The following PLXNA4 variants were observed in gnomAD, a reference collection of about 807,000 sequenced individuals.
The protein encoded by PLXNA4 is plexin-A4.
A neutral mutation model predicts 191.8 loss-of-function variants in PLXNA4; 44 were observed. That is an observed-to-expected ratio of 0.23 (90% CI 0.18 to 0.29). PLXNA4 has a LOEUF of 0.29. PLXNA4 is among the 10% of genes least tolerant of loss of function. PLXNA4 has a pLI of 1.00. For missense variants in PLXNA4, 1,800 were observed against 2,488.8 expected, an observed-to-expected ratio of 0.72 and a Z score of 5.89; for synonymous variants, 1,082 against 1,009.5, an observed-to-expected ratio of 1.07 and a Z score of -1.36.
In PLXNA4 at chr7:132,519,685, C is replaced by A. The variant is rs1799095983; in HGVS notation, c.-86-10906G>T. Among the ~76,000 whole-genome samples the A allele has an allele frequency of 2.0e-5, 3 of 152,220 alleles. No homozygotes were observed. The South Asian group carries it at 6.2e-4, about 32-fold the overall frequency. On this transcript the variant is annotated intron_variant, in intron 1 of 31. Coordinates refer to ENST00000321063, the MANE Select transcript of PLXNA4 (RefSeq NM_020911.2). ...ATTCAGTGGTCTTCACCCAAATGAG[C>A]TCCTTGCTCTCCTTTCATGGTAAAG...
At chr7:132,227,356 T>A in intron 7 of PLXNA4, 95 bp downstream of exon 7, 1 of 1,517,768 alleles carries the variant, frequency 6.6e-7, no homozygotes, top group Non-Finnish European at 8.9e-7. Context: ...CTCTCCTGCC[T>A]GCAGGTTGCT....
intron 3 of PLXNA4, among the ~76,000 whole-genome samples, chr7:132,357,547 C>T (rs1338730341): frequency 1.3e-5 from 2 of 152,274 alleles, no homozygotes; most frequent in East Asian, 3.9e-4. Flanking sequence ...GACCAAGATG[C>T]CAAAATACCT....
intron 3 of PLXNA4, among the ~76,000 whole-genome samples, chr7:132,396,552 A>C (rs945300874): frequency 6.6e-6 from 1 of 152,142 alleles, no homozygotes; most frequent in South Asian, 2.1e-4. Flanking sequence ...GTGCAGTGGC[A>C]CAATCTCAGT....
At chr7:132,134,760 C>T (rs1795064938) in intron 30 of PLXNA4, among the ~76,000 whole-genome samples, 1 of 152,170 alleles carries the variant, frequency 6.6e-6, no homozygotes, top group Admixed American at 6.5e-5. Context: ...GCCGCCCTGC[C>T]CCCGTCTCAT....
chr7:132,171,330 C>G (rs1796280032), intron 21 of PLXNA4, among the ~76,000 whole-genome samples: 2 of 152,250 alleles, frequency 1.3e-5, no homozygotes, highest in African/African-American at 4.8e-5. Context: ...GGCAGCCTAT[C>G]TCATGACAGG....
At chr7:132,146,354 C>T (rs535081534) in intron 28 of PLXNA4, among the ~76,000 whole-genome samples, 156 bp downstream of exon 28, 8 of 152,134 alleles carry the variant, frequency 5.3e-5, no homozygotes, top group South Asian at 2.1e-4. Context: ...TTCTGAGGTT[C>T]GGTACGGGGA....
upstream of PLXNA4, among the ~76,000 whole-genome samples, chr7:132,579,551 CAAATA>C (rs917554911): frequency 2.8e-5 from 4 of 143,636 alleles, no homozygotes; most frequent in African/African-American, 1.0e-4. Flanking sequence ...CCAGAGGTGG[CAAATA>C]AAATGTGTTT....
chr7:132,637,704 T>A (rs953738792), intron 2 of PLXNA4, among the ~76,000 whole-genome samples: 4 of 152,082 alleles, frequency 2.6e-5, no homozygotes, highest in African/African-American at 4.8e-5. Context: ...CAGCAGAAAA[T>A]CCATCAACAA....
intron 5 of PLXNA4, among the ~76,000 whole-genome samples, chr7:132,230,612 C>A (rs902853092): frequency 6.6e-6 from 1 of 152,160 alleles, no homozygotes; most frequent in African/African-American, 2.4e-5. Flanking sequence ...AGTTAATTTA[C>A]CAGGCCAGCT....
intron 3 of PLXNA4, among the ~76,000 whole-genome samples, chr7:132,420,347 G>T (rs1238548741): frequency 6.6e-6 from 1 of 152,170 alleles, no homozygotes; most frequent in Non-Finnish European, 1.5e-5. Context: ...CTGAGCTGCT[G>T]GTCCAGGGGA....
Position 132,395,460 on chromosome 7 carries a change from A to C in PLXNA4, c.1371+93832T>G, listed in dbSNP as rs1460058775. Among the ~76,000 whole-genome samples the C allele has an allele frequency of 3.3e-5, 5 of 152,346 alleles. No individual in the cohort carries two copies. In the South Asian group the frequency reaches 1.0e-3, roughly 32 times the overall value. The stretch of plus-strand genomic sequence containing the variant: ...GTCCTGCTGAGAGAGGGTGTCGGCC[A>C]GATAAATTTGATGATGCAGCACTGA... On this transcript the variant is annotated intron_variant, in intron 3 of 31. Transcript: ENST00000321063.
intron 27 of PLXNA4, among the ~76,000 whole-genome samples, chr7:132,147,398 C>T (rs532745200): frequency 1.6e-4 from 25 of 152,218 alleles, no homozygotes; most frequent in African/African-American, 4.3e-4. Context: ...TGACTAGCCC[C>T]AAAGCACACA....
At chr7:132,599,822 T>C (rs1020276701) in intron 2 of PLXNA4, among the ~76,000 whole-genome samples, 1 of 152,148 alleles carries the variant, frequency 6.6e-6, no homozygotes, top group African/African-American at 2.4e-5. Context: ...TTACTTTTTC[T>C]TTTTTGGTGT....
In PLXNA4 at chr7:132,426,130, G is replaced by T. The variant is rs146474498; in HGVS notation, c.1371+63162C>A. 7.5e-3 allele frequency among the ~76,000 whole-genome samples: 1,149 copies of T among 152,310 alleles called. 16 individuals are homozygous for T. The highest frequency in any genetic ancestry group is 0.025 in the African/African-American group (1,049 of 41,568). On this transcript the variant is annotated intron_variant, in intron 3 of 31. Coordinates refer to ENST00000321063, the MANE Select transcript of PLXNA4 (RefSeq NM_020911.2). The stretch of plus-strand genomic sequence containing the variant: ...GGAAAGAGGGCCTCTCCCAGGGGGA[G>T]ATCAGTGTACAACTGGAGGAGTGTC...
intron 3 of PLXNA4, among the ~76,000 whole-genome samples, chr7:132,317,666 T>C (rs1425201417): frequency 6.6e-6 from 1 of 152,242 alleles, no homozygotes; most frequent in Non-Finnish European, 1.5e-5. Context: ...TGATTACTTT[T>C]ATTCTGTGGC....
At chr7:132,488,033 C>G (rs1228446469) in intron 3 of PLXNA4, among the ~76,000 whole-genome samples, 3 of 152,214 alleles carry the variant, frequency 2.0e-5, no homozygotes. Flanking sequence ...GTTACTTCCT[C>G]CTGGGCAGCA....
At chr7:132,350,476 C>G (rs751439648) in intron 3 of PLXNA4, among the ~76,000 whole-genome samples, 2 of 151,940 alleles carry the variant, frequency 1.3e-5, no homozygotes, top group African/African-American at 2.4e-5. Flanking sequence ...TGCACTCCAG[C>G]CTGGGCAACA....
Position 132,516,265 on chromosome 7 carries a change from T to C in PLXNA4, c.-86-7486A>G, listed in dbSNP as rs146399949. On this transcript the variant is annotated intron_variant, in intron 1 of 31. Coordinates refer to ENST00000321063, the MANE Select transcript of PLXNA4 (RefSeq NM_020911.2). ...ATTTATTTATTTATTTATTTATTTG[T>C]ATTTAAAGGTAAAGCTCTTTTTTAA... Among the ~76,000 whole-genome samples the C allele has an allele frequency of 5.4e-3, 811 of 151,516 alleles. 14 individuals are homozygous for C. The highest frequency in any genetic ancestry group is 0.019 in the African/African-American group (774 of 41,360).
At chr7:132,570,467 C>A (rs12538349) in intron 1 of PLXNA4, among the ~76,000 whole-genome samples, 5,164 of 152,290 alleles carry the variant, frequency 0.034, 196 homozygotes, top group African/African-American at 0.089. Context: ...ATGATTGGTT[C>A]ACCTTCTAGT....
Sources: gnomAD v4.1 joint callset for allele counts (sites outside exome capture counted in the v4.1 genomes callset) on GRCh38, gnomAD v4.1.1 for gene constraint, MANE v1.5 for transcripts, NCBI Gene and HGNC (gene_info 2026-07-23, HGNC 2026-07-21) for gene names.